Variants in GNA13 observed in about 807,000 individuals in gnomAD.
GNA13 encodes the protein G protein subunit alpha 13.
In GNA13, 4 loss-of-function variants were observed where a neutral mutation model predicts 33.5. The observed-to-expected ratio is 0.12, with a 90% confidence interval of 0.06 to 0.27. The LOEUF is 0.27. Among genes scored for constraint, GNA13 ranks in the 10% least tolerant of loss-of-function variants. The pLI is 1.00. For missense variants in GNA13, 319 were observed against 487.2 expected (o/e 0.65, Z 3.25); for synonymous variants, 176 against 183.8 (o/e 0.96, Z 0.34).
intron 1 of GNA13, among the ~76,000 whole-genome samples, chr17:65,053,972 G>A (rs1907949347): frequency 6.6e-6 from 1 of 152,092 alleles, no homozygotes; most frequent in East Asian, 1.9e-4. Flanking sequence ...CTCTCTGAAG[G>A]ATTTTTAACA....
intron 2 of GNA13, among the ~76,000 whole-genome samples, chr17:65,039,529 C>T (rs1308737262): frequency 1.3e-5 from 2 of 152,154 alleles, no homozygotes; most frequent in African/African-American, 2.4e-5. Context: ...GCCTGGATCA[C>T]GTTTTCTGAC....
At chr17:65,015,457 T>C (rs1304957973) in intron 3 of GNA13, among the ~76,000 whole-genome samples, 1 of 151,890 alleles carries the variant, frequency 6.6e-6, no homozygotes, top group East Asian at 1.9e-4. Flanking sequence ...GGTCAGGAGA[T>C]TGAGACCATC....
chr17:65,016,624 T>A (rs1007976901), intron 3 of GNA13, among the ~76,000 whole-genome samples: 2 of 152,184 alleles, frequency 1.3e-5, no homozygotes, highest in African/African-American at 4.8e-5. Flanking sequence ...AGCCTCCCAA[T>A]GTGCTCGGAT....
intron 1 of GNA13, among the ~76,000 whole-genome samples, chr17:65,056,072 C>A (rs752994670): frequency 6.6e-6 from 1 of 151,964 alleles, no homozygotes; most frequent in Non-Finnish European, 1.5e-5. Context: ...GGCCGTGACG[C>A]CCACCGGGGA....
chr17:65,053,826 A>G, intron 1 of GNA13, 98 bp from the exon 2 acceptor site: 1 of 722,542 alleles, frequency 1.4e-6, no homozygotes, highest in Non-Finnish European at 2.3e-6. Context: ...TTCTGAATTA[A>G]CCTAGACAAA....
chr17:65,014,892 C>T lies in GNA13; in HGVS notation c.562-63G>A, dbSNP rs933490463. 8.8e-6 allele frequency: 8 copies of T among 906,632 alleles called. 1 individual carries two copies. In the South Asian group the frequency reaches 1.2e-4, roughly 14 times the overall value. 56.2% of individuals were successfully genotyped at this position (906,632 alleles called of 1,614,324 possible). The stretch of plus-strand genomic sequence containing the variant: ...CGAAGTAATGCGAATTTTTAATGGA[C>T]TACTAACTGGACTAGTGAATAGATA... On this transcript the variant is annotated intron_variant, in intron 3 of 3. Transcript: ENST00000439174. The surrounding 1 kb of genome is among the most constrained non-coding windows in gnomAD (Gnocchi z 5.3).
At chr17:65,031,794 A>G (rs940980383) in intron 2 of GNA13, among the ~76,000 whole-genome samples, 1 of 151,602 alleles carries the variant, frequency 6.6e-6, no homozygotes, top group Non-Finnish European at 1.5e-5. Context: ...CTCTAATTCC[A>G]GCTACTCAGG....
chr17:65,009,346 T>C lies in GNA13; in HGVS notation c.*4911A>G, dbSNP rs1406510271. Among the ~76,000 whole-genome samples, 2 of 152,362 alleles carry C rather than the reference T, an allele frequency of 1.3e-5. No individual in the cohort carries two copies. The highest frequency in any genetic ancestry group is 4.8e-5 in the African/African-American group (2 of 41,590). On this transcript the variant is annotated 3_prime_UTR_variant, in exon 4 of 4. Transcript: ENST00000439174. Reference sequence around the variant, plus strand: ...GTAATTTTTACAAAGCAAATATTAATAGCAAGAGGCAAATGTTTTGCAAAA... The same window carrying C: ...GTAATTTTTACAAAGCAAATATTAACAGCAAGAGGCAAATGTTTTGCAAAA...
chr17:65,031,457 G>A (rs896657598), intron 2 of GNA13, among the ~76,000 whole-genome samples: 1 of 152,136 alleles, frequency 6.6e-6, no homozygotes, highest in African/African-American at 2.4e-5. Flanking sequence ...CACTTCCCAT[G>A]CATATATAAG....
chr17:65,052,807 T>G (rs1379160962), intron 2 of GNA13, among the ~76,000 whole-genome samples: 1 of 152,158 alleles, frequency 6.6e-6, no homozygotes, highest in Non-Finnish European at 1.5e-5. Context: ...AGTGGGCACA[T>G]TACCTGAGGT....
chr17:65,045,145 A>G (rs1300677761), intron 2 of GNA13, among the ~76,000 whole-genome samples: 1 of 152,108 alleles, frequency 6.6e-6, no homozygotes, highest in Non-Finnish European at 1.5e-5. Flanking sequence ...GGCACTAAAG[A>G]TGGCACTGTC....
intron 2 of GNA13, among the ~76,000 whole-genome samples, chr17:65,037,667 C>T (rs1247271985): frequency 1.3e-5 from 2 of 151,022 alleles, no homozygotes; most frequent in Non-Finnish European, 2.9e-5. Flanking sequence ...CACAGTGGCT[C>T]ACACCTGCAA....
chr17:65,014,175 G>T lies in GNA13; in HGVS notation c.*82C>A. ...AATTAAGATTGTTCTAATTCTGGTT[G>T]TAAACTGCTATTTTAAAAAACAAAA... On this transcript the variant is annotated 3_prime_UTR_variant, in exon 4 of 4. Coordinates refer to ENST00000439174, the MANE Select transcript of GNA13 (RefSeq NM_006572.6). The surrounding 1 kb of genome is among the most constrained non-coding windows in gnomAD (Gnocchi z 5.3). 1 of 776,226 alleles carries T rather than the reference G, an allele frequency of 1.3e-6. No homozygotes were observed. Among genetic ancestry groups the T allele is most frequent in the Non-Finnish European group, 2.1e-6 (1 of 469,386 alleles). 48.1% of individuals were successfully genotyped at this position (776,226 alleles called of 1,614,324 possible). A position where few individuals can be genotyped will look rare whatever the true frequency, so the allele number is the denominator to read the frequency against.
At chr17:65,023,120 G>A (rs1906645258) in intron 2 of GNA13, among the ~76,000 whole-genome samples, 2 of 152,194 alleles carry the variant, frequency 1.3e-5, no homozygotes, top group South Asian at 2.1e-4. Flanking sequence ...CACTAAATGA[G>A]TACAGCCTAA....
At chr17:65,053,754 T>C (rs1907939902) in intron 1 of GNA13, 26 bp from the exon 2 acceptor site, 1 of 1,389,262 alleles carries the variant, frequency 7.2e-7, no homozygotes, top group African/African-American at 1.4e-5. Context: ...AGAAAAAAAA[T>C]GTATGGAGAG....
chr17:65,054,396 T>C (rs1220773856), intron 1 of GNA13, among the ~76,000 whole-genome samples: 3 of 152,340 alleles, frequency 2.0e-5, no homozygotes, highest in East Asian at 1.9e-4. Context: ...GATCTATTAC[T>C]TTTATTAAGT....
intron 1 of GNA13, chr17:65,055,735 C>A: frequency 1.0e-6 from 1 of 985,508 alleles, no homozygotes; most frequent in Non-Finnish European, 1.2e-6. Flanking sequence ...TGTCACCCTA[C>A]GCCCTTGACA....
chr17:65,033,120 A>G (rs906654537), intron 2 of GNA13, among the ~76,000 whole-genome samples: 1 of 152,008 alleles, frequency 6.6e-6, no homozygotes, highest in African/African-American at 2.4e-5. Flanking sequence ...AAAAAAAAAA[A>G]AAAATCACAG....
chr17:65,029,427 A>G (rs1906920329), intron 2 of GNA13, among the ~76,000 whole-genome samples: 1 of 152,206 alleles, frequency 6.6e-6, no homozygotes, highest in Non-Finnish European at 1.5e-5. Flanking sequence ...CAGCTTGGAG[A>G]ACAAGTAACC....
Sources: gnomAD v4.1 joint callset for allele counts (sites outside exome capture counted in the v4.1 genomes callset) on GRCh38, gnomAD v4.1.1 for gene constraint, Gnocchi (gnomAD v3.1) non-coding constraint, MANE v1.5 for transcripts, NCBI Gene and HGNC (gene_info 2026-07-23, HGNC 2026-07-21) for gene names.